CAPN5: variants seen among roughly 807,000 people sequenced by gnomAD.
CAPN5 encodes calpain 5, also known as calpain-5.
Under a neutral mutation model 73.0 loss-of-function variants are expected in CAPN5, and 54 were observed. That is an observed-to-expected ratio of 0.74 (90% CI 0.59 to 0.93). The LOEUF (loss-of-function observed/expected upper bound fraction) is 0.93, where lower values mean the gene tolerates loss of function less well. CAPN5 is among the 40% of genes least tolerant of loss of function. CAPN5 has a pLI of 0.00. For missense variants in CAPN5, 785 were observed against 882.9 expected, an observed-to-expected ratio of 0.89 and a Z score of 1.41; for synonymous variants, 335 against 356.9, an observed-to-expected ratio of 0.94 and a Z score of 0.69.
rs1180592777 is a variant in CAPN5, at chr11:77,087,885, C to T, written c.165+2834C>T. The T allele has an allele frequency of 2.4e-5, 37 of 1,535,288 alleles. No individual in the cohort carries two copies. In the South Asian group the frequency reaches 3.0e-4, roughly 12 times the overall value. On this transcript the variant is annotated intron_variant, in intron 2 of 12. Transcript: ENST00000648180. ...GTCCTCTTGGGTGCCGACCTGGGCA[C>T]CTGCCTTCAGCCCACACCCTTCACC...
chr11:77,085,496 TAATC>T (rs1484325166), intron 2 of CAPN5, among the ~76,000 whole-genome samples: 2 of 152,212 alleles, frequency 1.3e-5, no homozygotes, highest in Admixed American at 6.5e-5. Context: ...TTATGATGAT[TAATC>T]AATAATAATA....
At chr11:77,078,203 A>G (rs1302356555) in intron 1 of CAPN5, among the ~76,000 whole-genome samples, 1 of 152,182 alleles carries the variant, frequency 6.6e-6, no homozygotes, top group Non-Finnish European at 1.5e-5. Flanking sequence ...TTCAGGTCTT[A>G]TATTTAAGTC....
chr11:77,093,649 G>A lies in CAPN5; in HGVS notation c.166-33G>A, dbSNP rs138374446. The A allele has an allele frequency of 7.3e-5, 112 of 1,539,900 alleles. No homozygotes were observed. The African/African-American group carries it at 7.9e-4, about 11-fold the overall frequency. On this transcript the variant is annotated intron_variant, in intron 2 of 12. Transcript: ENST00000648180. ...ATGGGGGGCATCCGCATGCTCCTCC[G>A]CCCCTCACGCTCTCTCCTCGCCTTC...
At chr11:77,100,359 C>G (rs55796547) in intron 3 of CAPN5, among the ~76,000 whole-genome samples, 27 of 151,436 alleles carry the variant, frequency 1.8e-4, no homozygotes, top group African/African-American at 5.8e-4. Flanking sequence ...CCCTCTGCCT[C>G]CTCCCCTCCC....
chr11:77,116,361 G>C, intron 7 of CAPN5, 58 bp downstream of exon 7: 1 of 1,402,916 alleles, frequency 7.1e-7, no homozygotes, highest in Non-Finnish European at 1.0e-6. Flanking sequence ...CGGGCCTGGC[G>C]GGGAGCACCA....
intron 3 of CAPN5, among the ~76,000 whole-genome samples, chr11:77,112,348 A>G (rs1383593169): frequency 5.3e-5 from 8 of 151,972 alleles, no homozygotes; most frequent in African/African-American, 1.9e-4. Context: ...AAGCTCACAC[A>G]CTCTGAGAAC....
At chr11:77,105,810 A>T (rs113225418) in intron 3 of CAPN5, among the ~76,000 whole-genome samples, 4,902 of 152,242 alleles carry the variant, frequency 0.032, 118 homozygotes, top group African/African-American at 0.07. Context: ...GCCTCACTTG[A>T]TCCTTCCTCA....
In CAPN5 at chr11:77,116,282, T is replaced by C; in HGVS notation, c.950T>C (p.Val317Ala). 1.2e-6 allele frequency: 2 copies of C among 1,613,634 alleles called. No individual in the cohort carries two copies. The highest frequency in any genetic ancestry group is 1.7e-6 in the Non-Finnish European group (2 of 1,179,824). The change falls in exon 7 of 13, where the codon GTG becomes GCG. Residue 317 changes from valine (V) to alanine (A), a missense_variant. Physicochemically the swap from Val to Ala is moderately conservative, Grantham distance 64. Coordinates refer to ENST00000648180, the MANE Select transcript of CAPN5 (RefSeq NM_004055.5). ...GAGCGGGAGAAGATGGGTGTGACCG[T>C]GCAGGACGACGGTGAGTTCTGGTGA... ...KSEREKMGVT[V>A]QDDGEFWMTF...
At chr11:77,100,206 A>T (rs115028309) in intron 3 of CAPN5, among the ~76,000 whole-genome samples, 2,363 of 152,110 alleles carry the variant, frequency 0.016, 68 homozygotes, top group African/African-American at 0.055. Context: ...TCTCCTCTGT[A>T]TTCATTGCTA....
At chr11:77,078,984 T>G (rs1950001720) in intron 1 of CAPN5, among the ~76,000 whole-genome samples, 2 of 152,242 alleles carry the variant, frequency 1.3e-5, no homozygotes, top group East Asian at 1.9e-4. Flanking sequence ...GTCAAATGTG[T>G]TTTTTTAAAT....
chr11:77,120,436 G>A (rs1950510381), intron 9 of CAPN5: 2 of 384,298 alleles, frequency 5.2e-6, no homozygotes, highest in Non-Finnish European at 9.3e-6. Flanking sequence ...TGTGTGATCA[G>A]AGTTTATGCA....
rs915996598 is a variant in CAPN5 at position 77,120,786 on chromosome 11, G to A, written c.1364G>A (p.Arg455His). 10 of 1,614,044 alleles carry A rather than the reference G, an allele frequency of 6.2e-6. No individual in the cohort carries two copies. The highest frequency in any genetic ancestry group is 8.5e-6 in the Non-Finnish European group (10 of 1,180,002). Reference protein sequence around the residue: ...KAASSIYINSRSVFLRTDQPE... With the variant: ...KAASSIYINSHSVFLRTDQPE... ...GCCAGCTCCATCTACATCAACTCACGCAGCGTCTTCCTGCGCACCGACCAG... is the reference window on the plus strand; with the variant it reads ...GCCAGCTCCATCTACATCAACTCACACAGCGTCTTCCTGCGCACCGACCAG... The change falls in exon 10 of 13, where the codon CGC becomes CAC. Residue 455 changes from arginine (R) to histidine (H), a missense_variant. Coordinates refer to ENST00000648180, the MANE Select transcript of CAPN5 (RefSeq NM_004055.5).
rs1208946782 is a variant in CAPN5 at position 77,126,009 on chromosome 11, G to C, written c.*2139G>C. On this transcript the variant is annotated 3_prime_UTR_variant, in exon 13 of 13. Coordinates refer to ENST00000648180, the MANE Select transcript of CAPN5 (RefSeq NM_004055.5). The stretch of plus-strand genomic sequence containing the variant: ...TACTTTGTTCACTGTATGCACCCGC[G>C]GGGGCCTGGGAGTCCCCATTTGCAG... The C allele has an allele frequency of 8.5e-5, 13 of 152,186 alleles. No homozygotes were observed. Among genetic ancestry groups the C allele is most frequent in the African/African-American group, 2.9e-4 (12 of 41,432 alleles). The allele number at this position is 152,186 out of a possible 1,614,324, so 9.4% of individuals were successfully genotyped here. A position where few individuals can be genotyped will look rare whatever the true frequency, so the allele number is the denominator to read the frequency against.
chr11:77,083,847 C>T (rs940978986), intron 1 of CAPN5, among the ~76,000 whole-genome samples: 2 of 152,210 alleles, frequency 1.3e-5, no homozygotes, highest in African/African-American at 4.8e-5. Context: ...CTGGCACTCA[C>T]ACCAGTCTTG....
At chr11:77,098,209 G>C (rs1312794211) in intron 3 of CAPN5, among the ~76,000 whole-genome samples, 1 of 75,618 alleles carries the variant, frequency 1.3e-5, no homozygotes, top group African/African-American at 7.5e-5. Flanking sequence ...CGGACGGGGC[G>C]GCTGGCCGGG....
chr11:77,113,767 T>C (rs1555041138), intron 4 of CAPN5, among the ~76,000 whole-genome samples: 1 of 72,702 alleles, frequency 1.4e-5, no homozygotes, highest in African/African-American at 7.0e-5. Context: ...TGTTTTTTGT[T>C]TTTTGAAAAA....
intron 3 of CAPN5, among the ~76,000 whole-genome samples, chr11:77,101,389 G>T (rs1386427247): frequency 1.3e-5 from 2 of 152,156 alleles, no homozygotes; most frequent in African/African-American, 4.8e-5. Context: ...TAGCCAAGTT[G>T]TTCCCCTCTC....
intron 3 of CAPN5, among the ~76,000 whole-genome samples, chr11:77,095,992 TATGGGTCCCGG>T (rs1950205211): frequency 6.6e-6 from 1 of 152,200 alleles, no homozygotes; most frequent in African/African-American, 2.4e-5. Context: ...GCTGTGGTGC[TATGGGTCCCGG>T]AAGGAGGCTC....
rs782023701 is a variant in CAPN5, at chr11:77,123,670, T to C, written c.1741-18T>C. The C allele has an allele frequency of 6.2e-6, 10 of 1,606,162 alleles. No individual in the cohort carries two copies. The African/African-American group carries it at 1.2e-4, about 19-fold the overall frequency. On this transcript the variant is annotated intron_variant, in intron 12 of 12. Coordinates refer to ENST00000648180, the MANE Select transcript of CAPN5 (RefSeq NM_004055.5). The stretch of plus-strand genomic sequence containing the variant: ...TGGAGGTAGCCCGCCCCTCCCATGA[T>C]CCTCTGTCTCTTCCCAGGTCTGGAA...
Sources: gnomAD v4.1 joint callset for allele counts (sites outside exome capture counted in the v4.1 genomes callset) on GRCh38, gnomAD v4.1.1 for gene constraint, MANE v1.5 for transcripts, NCBI Gene and HGNC (gene_info 2026-07-23, HGNC 2026-07-21) for gene names.